The following RIMS2 variants were observed in gnomAD, a reference collection of about 807,000 sequenced individuals.
RIMS2 encodes the protein regulating synaptic membrane exocytosis 2.
In RIMS2, 59 loss-of-function variants were observed where a neutral mutation model predicts 174.4. The observed-to-expected ratio is 0.34, with a 90% CI of 0.27 to 0.42. The LOEUF is 0.42. Among genes scored for constraint, RIMS2 ranks in the 10% least tolerant of loss-of-function variants. RIMS2 has a pLI of 1.00. For synonymous variants in RIMS2, 606 were observed against 572.5 expected (o/e 1.06, Z -0.84); for missense variants, 1,620 against 1,666.3 (o/e 0.97, Z 0.48).
At chr8:103,847,779 T>G (rs1327348871) in intron 3 of RIMS2, among the ~76,000 whole-genome samples, 6 of 152,004 alleles carry the variant, frequency 3.9e-5, no homozygotes, top group Admixed American at 2.0e-4. Context: ...AGATGAGGCA[T>G]TCAGCAGAAG....
At chr8:103,732,216 G>A (rs1399139753) in intron 2 of RIMS2, among the ~76,000 whole-genome samples, 1 of 152,204 alleles carries the variant, frequency 6.6e-6, no homozygotes, top group Non-Finnish European at 1.5e-5. Context: ...CTGATGCCAT[G>A]GTGGTCTTGG....
chr8:103,501,040 G>A (rs759061572), exon 1 of RIMS2: 11 of 1,608,922 alleles, frequency 6.8e-6, no homozygotes, highest in Admixed American at 3.4e-5. Flanking sequence ...GAAAGAAGAG[G>A]AGAAGGAGCA....
chr8:103,962,191 G>T (rs1254462064), intron 15 of RIMS2, among the ~76,000 whole-genome samples: 1 of 151,718 alleles, frequency 6.6e-6, no homozygotes, highest in Non-Finnish European at 1.5e-5. Context: ...GCCATTTTTG[G>T]ATGTTTCTGT....
At chr8:104,254,865 G>A (rs1033706936), downstream of RIMS2, 4 of 152,334 alleles carry the variant, frequency 2.6e-5, no homozygotes, top group Middle Eastern at 3.4e-3. Context: ...TGCTTTGTGG[G>A]GAGTGGAGGG....
chr8:104,096,562 G>A (rs943127428), intron 19 of RIMS2, among the ~76,000 whole-genome samples: 5 of 151,948 alleles, frequency 3.3e-5, no homozygotes, highest in African/African-American at 4.8e-5. Flanking sequence ...AAGTATCAAC[G>A]GCAATTGCTT....
chr8:103,825,459 T>TTTTTG (rs1305485253), intron 3 of RIMS2, among the ~76,000 whole-genome samples: 2 of 150,282 alleles, frequency 1.3e-5, no homozygotes, highest in Non-Finnish European at 3.0e-5. Flanking sequence ...TTTTTTTTTT[T>TTTTTG]TTTTTGTTAG....
chr8:103,842,299 A>C (rs995149768), intron 3 of RIMS2, among the ~76,000 whole-genome samples: 47 of 152,090 alleles, frequency 3.1e-4, no homozygotes, highest in African/African-American at 1.1e-3. Flanking sequence ...ATAAGAAATA[A>C]AAAGGCATAG....
intron 2 of RIMS2, among the ~76,000 whole-genome samples, chr8:103,745,956 A>C (rs1457692273): frequency 6.6e-6 from 1 of 152,066 alleles, no homozygotes; most frequent in Non-Finnish European, 1.5e-5. Context: ...TTTTTGATGA[A>C]GTCCAATTTA....
chr8:103,670,443 T>C (rs1260413275), intron 1 of RIMS2, among the ~76,000 whole-genome samples: 8 of 152,250 alleles, frequency 5.3e-5, no homozygotes, highest in Non-Finnish European at 4.4e-5. Flanking sequence ...AATTTCTTCA[T>C]AGAAAATGGG....
At chr8:103,802,400 G>A (rs976015534) in intron 3 of RIMS2, among the ~76,000 whole-genome samples, 1 of 152,136 alleles carries the variant, frequency 6.6e-6, no homozygotes, top group Admixed American at 6.6e-5. Context: ...GGCTTTTATG[G>A]TAATATTAAT....
At position 104,231,506 on chromosome 8, in the gene RIMS2, A is replaced by T. The variant is rs888401898; in HGVS notation, c.3335-13410A>T. On this transcript the variant is annotated intron_variant, in intron 19 of 23. Coordinates refer to ENST00000504942, the Ensembl canonical transcript of RIMS2. Reference sequence around the variant, plus strand: ...TATATATCCTGTCTAATTGTCCTTCAAAGCTGGGCTCATATTCCATCTACT... The same window carrying T: ...TATATATCCTGTCTAATTGTCCTTCTAAGCTGGGCTCATATTCCATCTACT... 6.6e-5 allele frequency among the ~76,000 whole-genome samples: 10 copies of T among 152,152 alleles called. No individual in the cohort carries two copies. The South Asian group carries it at 1.9e-3, about 28-fold the overall frequency.
chr8:103,874,587 TCA>T (rs971004990), intron 3 of RIMS2, among the ~76,000 whole-genome samples: 5 of 152,072 alleles, frequency 3.3e-5, no homozygotes, highest in Non-Finnish European at 5.9e-5. Flanking sequence ...ACAAGTAATT[TCA>T]CAGTGTGAAA....
At chr8:104,218,802 T>C (rs553635121) in intron 19 of RIMS2, among the ~76,000 whole-genome samples, 5 of 152,276 alleles carry the variant, frequency 3.3e-5, no homozygotes, top group African/African-American at 1.2e-4. Context: ...GAAGCTTTGC[T>C]CACTCACCCG....
intron 19 of RIMS2, among the ~76,000 whole-genome samples, chr8:104,125,752 G>A (rs2098423444): frequency 1.3e-5 from 2 of 152,098 alleles, no homozygotes; most frequent in African/African-American, 2.4e-5. Flanking sequence ...GTTCTTAAAT[G>A]TATGGTATTC....
At chr8:103,890,780 C>T (rs1011909838) in intron 4 of RIMS2, among the ~76,000 whole-genome samples, 4 of 151,844 alleles carry the variant, frequency 2.6e-5, no homozygotes, top group African/African-American at 7.3e-5. Flanking sequence ...TTTGAACATT[C>T]TTCTCAAAGT....
chr8:104,211,352 C>A (rs2099104505), intron 19 of RIMS2, among the ~76,000 whole-genome samples: 1 of 152,016 alleles, frequency 6.6e-6, no homozygotes, highest in Non-Finnish European at 1.5e-5. Flanking sequence ...GGGAAGTAAA[C>A]CAATAACAAA....
intron 3 of RIMS2, among the ~76,000 whole-genome samples, chr8:103,828,359 T>G (rs2098804573): frequency 6.6e-6 from 1 of 152,224 alleles, no homozygotes; most frequent in African/African-American, 2.4e-5. Flanking sequence ...AGTATTCAAT[T>G]TCTTTGGCTA....
intron 19 of RIMS2, among the ~76,000 whole-genome samples, chr8:104,182,711 C>T (rs1184049799): frequency 6.6e-6 from 1 of 151,770 alleles, no homozygotes; most frequent in Non-Finnish European, 1.5e-5. Flanking sequence ...AGCAACATTT[C>T]AAGTGCTCAG....
chr8:103,512,052 A>G (rs186253570), intron 1 of RIMS2, among the ~76,000 whole-genome samples: 1 of 152,238 alleles, frequency 6.6e-6, no homozygotes, highest in Admixed American at 6.5e-5. Context: ...TTGGGAAGCC[A>G]CCTCTTGGGG....
Sources: allele counts gnomAD v4.1 joint callset (sites outside exome capture counted in the v4.1 genomes callset), GRCh38; gene constraint gnomAD v4.1.1; transcripts MANE v1.5; gene names NCBI Gene and HGNC (gene_info 2026-07-23, HGNC 2026-07-21).